Variants in ABCD2 observed in about 807,000 individuals in gnomAD.
The protein encoded by ABCD2 is ATP binding cassette subfamily D member 2.
A neutral mutation model predicts 70.9 loss-of-function variants in ABCD2; 36 were observed. The observed-to-expected ratio is 0.51, with a 90% CI of 0.39 to 0.67. The LOEUF (loss-of-function observed/expected upper bound fraction) is 0.67. Ranked by LOEUF, ABCD2 falls within the 30% of genes least tolerant of loss-of-function variation. The probability of loss-of-function intolerance (pLI) is 0.00; values close to 1 mark genes in which losing one functional copy is unlikely to be tolerated. For missense variants in ABCD2, 729 were observed against 890.2 expected (o/e 0.82, Z 2.30); for synonymous variants, 304 against 306.9 (o/e 0.99, Z 0.10).
intron 2 of ABCD2, among the ~76,000 whole-genome samples, chr12:39,615,483 CA>C (rs1175508993): frequency 6.6e-6 from 1 of 151,786 alleles, no homozygotes; most frequent in Non-Finnish European, 1.5e-5. Flanking sequence ...CTATTACTAA[CA>C]ATACCTTTTT....
chr12:39,579,124 G>A (rs1337374913), intron 8 of ABCD2, among the ~76,000 whole-genome samples: 1 of 152,228 alleles, frequency 6.6e-6, no homozygotes, highest in Non-Finnish European at 1.5e-5. Context: ...CACTTTGGGA[G>A]GCCAAGGCGG....
intron 3 of ABCD2, 72 bp from the exon 4 acceptor site, chr12:39,605,002 GATAAGCTTCTTGACTT>G: frequency 8.1e-7 from 1 of 1,234,804 alleles, no homozygotes; most frequent in Non-Finnish European, 1.1e-6. Flanking sequence ...TATGTAATCA[GATAAGCTTCTTGACTT>G]AATGTAAAAG....
chr12:39,606,806 G>A (rs902229471), intron 3 of ABCD2, among the ~76,000 whole-genome samples: 1 of 152,164 alleles, frequency 6.6e-6, no homozygotes, highest in Non-Finnish European at 1.5e-5. Flanking sequence ...ATTAAATTAA[G>A]TAATTTTAAC....
At chr12:39,593,028 C>T (rs1055027085) in intron 6 of ABCD2, among the ~76,000 whole-genome samples, 8 of 152,142 alleles carry the variant, frequency 5.3e-5, no homozygotes, top group East Asian at 1.9e-4. Context: ...TAACAGCACC[C>T]TTTCTGTCCT....
intron 9 of ABCD2, among the ~76,000 whole-genome samples, chr12:39,554,584 A>G (rs1941134024): frequency 1.3e-5 from 2 of 152,234 alleles, no homozygotes; most frequent in South Asian, 4.1e-4. Context: ...CTTCTGCATA[A>G]GTAAAATTTT....
At chr12:39,576,481 G>A (rs1045407880) in intron 8 of ABCD2, among the ~76,000 whole-genome samples, 1 of 151,960 alleles carries the variant, frequency 6.6e-6, no homozygotes, top group Non-Finnish European at 1.5e-5. Context: ...GTTTACTCTT[G>A]AATTTCACTA....
chr12:39,591,089 A>G (rs1941739688), intron 6 of ABCD2, among the ~76,000 whole-genome samples: 1 of 152,230 alleles, frequency 6.6e-6, no homozygotes, highest in Non-Finnish European at 1.5e-5. Flanking sequence ...TGTTAAGTTT[A>G]AGAATAATGT....
chr12:39,565,037 T>C (rs1461173042), intron 9 of ABCD2, among the ~76,000 whole-genome samples: 2 of 152,212 alleles, frequency 1.3e-5, no homozygotes, highest in Non-Finnish European at 2.9e-5. Context: ...TGTAGCCTTG[T>C]AGTATAGTTT....
In ABCD2 at chr12:39,600,700, T is replaced by C. The variant is rs1941885449; in HGVS notation, c.1517A>G (p.His506Arg). ...ACCATTGGGACCAGTTATCAAAAGATGCATTCCTTCTTCTACCTAAAGTAA... is the reference window on the plus strand; with the variant it reads ...ACCATTGGGACCAGTTATCAAAAGACGCATTCCTTCTTCTACCTAAAGTAA... ...RLNFKVEEGM[H>R]LLITGPNGCG... The change falls in exon 6 of 10, where the codon CAT becomes CGT. Residue 506 changes from histidine to arginine, a missense_variant. By Grantham distance (29) the His-to-Arg change is conservative. Coordinates refer to ENST00000308666, the MANE Select transcript of ABCD2 (RefSeq NM_005164.4). The C allele has an allele frequency of 1.2e-6, 2 of 1,608,958 alleles. No individual in the cohort carries two copies. The highest frequency in any genetic ancestry group is 1.3e-5 in the African/African-American group (1 of 74,650).
At chr12:39,563,405 A>G (rs770569048) in intron 9 of ABCD2, among the ~76,000 whole-genome samples, 5 of 152,144 alleles carry the variant, frequency 3.3e-5, no homozygotes, top group Non-Finnish European at 7.3e-5. Context: ...ACAAACAAAC[A>G]AACAAAAATA....
In ABCD2 at chr12:39,586,167, C is replaced by T. The variant is rs762435874; in HGVS notation, c.1777G>A (p.Val593Ile). Residue 593 changes from valine to isoleucine, a missense_variant, in exon 7 of 10, where the codon GTT (valine) becomes ATT (isoleucine). Physicochemically the swap from Val to Ile is conservative, Grantham distance 29. Coordinates refer to ENST00000308666, the MANE Select transcript of ABCD2 (RefSeq NM_005164.4). ...ILHNVHLYHI[V>I]QREGGWDAVM... ...TAGACTTTACCTCCTTCTCTTTGAA[C>T]TATGTGATAGAGATGGACATTGTGT... 4 of 1,610,050 alleles carry T rather than the reference C, an allele frequency of 2.5e-6. No individual in the cohort carries two copies. The Admixed American group carries it at 6.7e-5, about 27-fold the overall frequency.
the ABCD2 span, among the ~76,000 whole-genome samples, chr12:39,537,562 G>A: frequency 6.6e-6 from 1 of 152,228 alleles, no homozygotes; most frequent in East Asian, 1.9e-4. Context: ...AAGCAATCTG[G>A]TCCTCCAGGG....
chr12:39,601,041 T>G (rs927106290), intron 5 of ABCD2, among the ~76,000 whole-genome samples: 1 of 152,090 alleles, frequency 6.6e-6, no homozygotes, highest in Non-Finnish European at 1.5e-5. Flanking sequence ...ATCATAAAAA[T>G]TTAACTAAAA....
chr12:39,534,080 T>C, the ABCD2 span, among the ~76,000 whole-genome samples: 25 of 152,306 alleles, frequency 1.6e-4, no homozygotes, highest in Admixed American at 1.6e-3. Flanking sequence ...TAATGCATTA[T>C]GTTAGCAGCT....
chr12:39,569,392 A>G (rs376398305), intron 9 of ABCD2, among the ~76,000 whole-genome samples: 1 of 152,198 alleles, frequency 6.6e-6, no homozygotes, highest in Non-Finnish European at 1.5e-5. Flanking sequence ...GCTAGCAATG[A>G]GCAAGGCTCC....
chr12:39,542,252 T>A, the ABCD2 span, among the ~76,000 whole-genome samples: 7 of 152,084 alleles, frequency 4.6e-5, no homozygotes, highest in African/African-American at 1.7e-4. Context: ...TCATGAGGTC[T>A]GGAGATCTAG....
intron 9 of ABCD2, among the ~76,000 whole-genome samples, chr12:39,565,773 G>C (rs971274265): frequency 1.8e-4 from 27 of 152,112 alleles, no homozygotes; most frequent in African/African-American, 6.3e-4. Flanking sequence ...GTTTGTCATA[G>C]ATAGCTCTAA....
chr12:39,579,650 TAAATCA>T, intron 7 of ABCD2, 31 bp from the exon 8 acceptor site: 1 of 1,519,804 alleles, frequency 6.6e-7, no homozygotes, highest in Non-Finnish European at 9.0e-7. Context: ...TACATTTTTA[TAAATCA>T]TTTGTTTAAT....
the ABCD2 span, among the ~76,000 whole-genome samples, chr12:39,541,229 A>G: frequency 6.6e-6 from 1 of 152,242 alleles, no homozygotes; most frequent in African/African-American, 2.4e-5. Context: ...GATGTTAAAG[A>G]AAAGTAAAAT....
Sources: allele counts gnomAD v4.1 joint callset (sites outside exome capture counted in the v4.1 genomes callset), GRCh38; gene constraint gnomAD v4.1.1; transcripts MANE v1.5; gene names NCBI Gene and HGNC (gene_info 2026-07-23, HGNC 2026-07-21).